The following VWC2L variants were observed in gnomAD, a reference collection of about 807,000 sequenced individuals.
The protein encoded by VWC2L is von Willebrand factor C domain containing 2 like, also known as von Willebrand factor C domain-containing protein 2-like.
Under a neutral mutation model 21.6 loss-of-function variants are expected in VWC2L, and 10 were observed. That is an observed-to-expected ratio of 0.46 (90% CI 0.29 to 0.78). VWC2L has a LOEUF of 0.78. Among genes scored for constraint, VWC2L ranks in the 30% least tolerant of loss-of-function variants. VWC2L has a pLI of 0.10. For missense variants in VWC2L, 209 were observed against 277.1 expected (o/e 0.75, Z 1.74); for synonymous variants, 96 against 94.3 (o/e 1.02, Z -0.10).
chr2:214,461,593 G>T (rs1049414342), intron 3 of VWC2L, among the ~76,000 whole-genome samples: 1 of 152,126 alleles, frequency 6.6e-6, no homozygotes, highest in Non-Finnish European at 1.5e-5. Context: ...TGGTACATAT[G>T]CACACCTGGG....
chr2:214,561,982 T>C (rs1689982467), intron 3 of VWC2L, among the ~76,000 whole-genome samples: 1 of 152,034 alleles, frequency 6.6e-6, no homozygotes, highest in African/African-American at 2.4e-5. Context: ...AAATCTGATG[T>C]GTTTTTCTTT....
intron 3 of VWC2L, among the ~76,000 whole-genome samples, chr2:214,522,288 T>C (rs1317941201): frequency 7.0e-6 from 1 of 142,772 alleles, no homozygotes; most frequent in Non-Finnish European, 1.5e-5. Flanking sequence ...CGCAGGAGAA[T>C]GGCGTGAACC....
chr2:214,571,929 G>A (rs1690155702), intron 3 of VWC2L, among the ~76,000 whole-genome samples: 1 of 152,030 alleles, frequency 6.6e-6, no homozygotes, highest in African/African-American at 2.4e-5. Flanking sequence ...TGGGACAACA[G>A]GTGCACACCA....
At chr2:214,505,710 A>G (rs1289171755) in intron 3 of VWC2L, among the ~76,000 whole-genome samples, 1 of 152,164 alleles carries the variant, frequency 6.6e-6, no homozygotes, top group South Asian at 2.1e-4. Context: ...ATTGTAGATG[A>G]TGTTCTGGCC....
At chr2:214,560,565 T>C (rs1269263442) in intron 3 of VWC2L, among the ~76,000 whole-genome samples, 3 of 152,254 alleles carry the variant, frequency 2.0e-5, no homozygotes, top group African/African-American at 7.2e-5. Context: ...AAGATGATAC[T>C]AAATTAATCG....
intron 3 of VWC2L, among the ~76,000 whole-genome samples, chr2:214,499,507 TG>T (rs1233752816): frequency 9.3e-5 from 8 of 86,192 alleles, no homozygotes; most frequent in Non-Finnish European, 1.6e-4. Context: ...TGTCGTGGGG[TG>T]GGGGGAGGGG....
At chr2:214,436,360 T>C in intron 2 of VWC2L, 1 of 318,670 alleles carries the variant, frequency 3.1e-6, no homozygotes, top group Admixed American at 4.1e-5. Context: ...TATGCAAATA[T>C]TTCTCTGGAA....
In VWC2L at chr2:214,575,993, C is replaced by A; in HGVS notation, c.*173C>A. 1 of 609,988 alleles carries A rather than the reference C, an allele frequency of 1.6e-6. No homozygotes were observed. Among genetic ancestry groups the A allele is most frequent in the Non-Finnish European group, 2.7e-6 (1 of 371,234 alleles). 37.8% of individuals were successfully genotyped at this position (609,988 alleles called of 1,614,324 possible). A position where few individuals can be genotyped will look rare whatever the true frequency, so the allele number is the denominator to read the frequency against. Reference sequence around the variant, plus strand: ...TTTTCCTAAGAGGAAATTTCTTTCTCTCTTGCTATATAAAATATATATAGT... The same window carrying A: ...TTTTCCTAAGAGGAAATTTCTTTCTATCTTGCTATATAAAATATATATAGT... On this transcript the variant is annotated 3_prime_UTR_variant, in exon 4 of 4. Transcript: ENST00000312504.
chr2:214,513,394 T>G (rs1010557653), intron 3 of VWC2L, among the ~76,000 whole-genome samples: 2 of 152,144 alleles, frequency 1.3e-5, no homozygotes, highest in Admixed American at 1.3e-4. Context: ...GCCAAAATCA[T>G]AGTCCTGGGC....
intron 3 of VWC2L, among the ~76,000 whole-genome samples, chr2:214,552,686 C>G (rs746127621): frequency 6.6e-6 from 1 of 152,176 alleles, no homozygotes; most frequent in Non-Finnish European, 1.5e-5. Flanking sequence ...CCTTGGGATT[C>G]CTTCCTTAGT....
intron 3 of VWC2L, among the ~76,000 whole-genome samples, chr2:214,482,610 G>A (rs1688622523): frequency 6.7e-6 from 1 of 149,134 alleles, no homozygotes; most frequent in Non-Finnish European, 1.5e-5. Context: ...CCAGTTTGAA[G>A]AGAGAGAAAA....
intron 3 of VWC2L, among the ~76,000 whole-genome samples, chr2:214,439,959 A>G (rs1194655179): frequency 2.0e-5 from 3 of 151,926 alleles, no homozygotes; most frequent in Non-Finnish European, 4.4e-5. Flanking sequence ...CAATGGTACC[A>G]TGTCTTTATT....
chr2:214,414,613 T>C, intron 2 of VWC2L, 30 bp downstream of exon 2: 2 of 1,595,666 alleles, frequency 1.3e-6, no homozygotes, highest in Non-Finnish European at 1.7e-6. Context: ...TTTATTGAAA[T>C]ATCAACTTTT....
chr2:214,561,944 C>T (rs1389828999), intron 3 of VWC2L, among the ~76,000 whole-genome samples: 1 of 151,372 alleles, frequency 6.6e-6, no homozygotes, highest in Admixed American at 6.6e-5. Flanking sequence ...TTCTTTTTGT[C>T]TTATGTTCAA....
chr2:214,413,415 C>A (rs1702306391), intron 1 of VWC2L, among the ~76,000 whole-genome samples: 1 of 151,964 alleles, frequency 6.6e-6, no homozygotes, highest in Non-Finnish European at 1.5e-5. Context: ...CTCTTTTAAG[C>A]ACATGGAATT....
At chr2:214,498,840 A>G (rs1376271097) in intron 3 of VWC2L, among the ~76,000 whole-genome samples, 1 of 150,956 alleles carries the variant, frequency 6.6e-6, no homozygotes, top group Non-Finnish European at 1.5e-5. Flanking sequence ...AAAAAAACCC[A>G]CGGGCAGATA....
At chr2:214,436,510 A>G (rs1345034859) in intron 2 of VWC2L, 119 bp from the exon 3 acceptor site, 5 of 1,274,072 alleles carry the variant, frequency 3.9e-6, no homozygotes, top group African/African-American at 1.5e-5. Context: ...GACATGGTAA[A>G]TGGAATTAAT....
In VWC2L at chr2:214,543,524, T is replaced by C. The variant is rs77799690; in HGVS notation, c.521-32148T>C. Among the ~76,000 whole-genome samples, 1,239 of 152,204 alleles carry C rather than the reference T, an allele frequency of 8.1e-3. 14 individuals are homozygous for C. Among genetic ancestry groups the C allele is most frequent in the Middle Eastern group, 0.017 (5 of 294 alleles). ...TTTTGAAGATAGTTATCAAATATAATAGTCAATGAAAAGTATTGTTTTACC... is the reference window on the plus strand; with the variant it reads ...TTTTGAAGATAGTTATCAAATATAACAGTCAATGAAAAGTATTGTTTTACC... On this transcript the variant is annotated intron_variant, in intron 3 of 3. Transcript: ENST00000312504.
chr2:214,540,538 T>C (rs754909100), intron 3 of VWC2L, among the ~76,000 whole-genome samples: 1 of 152,186 alleles, frequency 6.6e-6, no homozygotes, highest in Admixed American at 6.5e-5. Context: ...GGAGTTGATA[T>C]CTTTAACTCT....
Sources: gnomAD v4.1 joint callset for allele counts (sites outside exome capture counted in the v4.1 genomes callset) on GRCh38, gnomAD v4.1.1 for gene constraint, MANE v1.5 for transcripts, NCBI Gene and HGNC (gene_info 2026-07-23, HGNC 2026-07-21) for gene names.